The following REDIC1 variants were observed in gnomAD, a reference collection of about 807,000 sequenced individuals.
The protein encoded by REDIC1 is regulator of DNA class I crossover intermediates 1.
At chr12:39,792,739 T>C in the REDIC1 span, among the ~76,000 whole-genome samples, 2 of 152,102 alleles carry the variant, frequency 1.3e-5, no homozygotes, top group African/African-American at 4.8e-5. Flanking sequence ...AGTACTGTAT[T>C]TTTTTATTCC....
At chr12:39,748,388 C>A in the REDIC1 span, among the ~76,000 whole-genome samples, 1 of 152,152 alleles carries the variant, frequency 6.6e-6, no homozygotes, top group Non-Finnish European at 1.5e-5. Context: ...AATATATATG[C>A]ACCCAATACA....
the REDIC1 span, among the ~76,000 whole-genome samples, chr12:39,812,336 T>TC: frequency 7.2e-6 from 1 of 138,800 alleles, no homozygotes; most frequent in African/African-American, 2.6e-5. Context: ...GACTAATTTC[T>TC]TTTTTCTTTT....
At chr12:39,650,225 A>T in the REDIC1 span, 95 of 1,433,050 alleles carry the variant, frequency 6.6e-5, no homozygotes, top group South Asian at 2.2e-4. The surrounding 1 kb of genome is among the most constrained non-coding windows in gnomAD (Gnocchi z 4.3). Flanking sequence ...GTTTCTTCAA[A>T]TTTTTTTTTT....
At chr12:39,631,533 A>G in the REDIC1 span, among the ~76,000 whole-genome samples, 1 of 152,144 alleles carries the variant, frequency 6.6e-6, no homozygotes, top group Admixed American at 6.5e-5. Flanking sequence ...TTAGATAAAT[A>G]TTTAAAAGAA....
the REDIC1 span, among the ~76,000 whole-genome samples, chr12:39,810,459 C>A: frequency 6.6e-6 from 1 of 152,072 alleles, no homozygotes; most frequent in African/African-American, 2.4e-5. Flanking sequence ...ATATTCCTTT[C>A]CAAACTGTAT....
the REDIC1 span, among the ~76,000 whole-genome samples, chr12:39,694,554 G>C: frequency 6.6e-6 from 1 of 152,164 alleles, no homozygotes; most frequent in Non-Finnish European, 1.5e-5. Context: ...ATTTAAACCA[G>C]CCCTAACCAG....
At chr12:39,796,709 A>G in the REDIC1 span, among the ~76,000 whole-genome samples, 1 of 152,152 alleles carries the variant, frequency 6.6e-6, no homozygotes, top group African/African-American at 2.4e-5. Flanking sequence ...ATTGAAATCA[A>G]CTTTGTTTAG....
the REDIC1 span, among the ~76,000 whole-genome samples, chr12:39,801,040 G>A: frequency 3.9e-5 from 1 of 25,528 alleles, no homozygotes. Flanking sequence ...GGTGGGAATT[G>A]AACAATGAGA....
the REDIC1 span, among the ~76,000 whole-genome samples, chr12:39,677,027 G>GAA: frequency 7.8e-5 from 11 of 141,604 alleles, no homozygotes; most frequent in African/African-American, 2.1e-4. Flanking sequence ...ATAACACAAT[G>GAA]AAAAAAAAAA....
chr12:39,870,954 A>G, the REDIC1 span, among the ~76,000 whole-genome samples: 1 of 152,250 alleles, frequency 6.6e-6, no homozygotes, highest in Non-Finnish European at 1.5e-5. Context: ...TGGTTAAAAT[A>G]GAATTTAGTT....
At chr12:39,854,668 T>C in the REDIC1 span, among the ~76,000 whole-genome samples, 2 of 152,204 alleles carry the variant, frequency 1.3e-5, no homozygotes, top group Non-Finnish European at 2.9e-5. Context: ...GCTTTGATCA[T>C]GGTACCCTCC....
chr12:39,788,859 C>T, the REDIC1 span, among the ~76,000 whole-genome samples: 3 of 152,152 alleles, frequency 2.0e-5, no homozygotes, highest in Non-Finnish European at 2.9e-5. Context: ...TTCAACTACT[C>T]ATCTACATGT....
At chr12:39,900,133 T>G in the REDIC1 span, among the ~76,000 whole-genome samples, 1 of 143,686 alleles carries the variant, frequency 7.0e-6, no homozygotes. Flanking sequence ...TTTGACCAAA[T>G]TCAACAACCC....
At chr12:39,747,131 C>A in the REDIC1 span, among the ~76,000 whole-genome samples, 1 of 152,142 alleles carries the variant, frequency 6.6e-6, no homozygotes, top group Admixed American at 6.6e-5. Flanking sequence ...CTTCTCTGAG[C>A]TAAAGGAGGA....
the REDIC1 span, chr12:39,755,793 A>G: frequency 1.3e-5 from 2 of 152,038 alleles, no homozygotes; most frequent in Admixed American, 6.6e-5. Flanking sequence ...CAGACTATAT[A>G]TTTTGTACAT....
chr12:39,680,024 A>G, the REDIC1 span, among the ~76,000 whole-genome samples: 1 of 152,238 alleles, frequency 6.6e-6, no homozygotes, highest in African/African-American at 2.4e-5. Context: ...ATGAAGCCAT[A>G]AAAATTCTAG....
chr12:39,634,394 G>T, the REDIC1 span, among the ~76,000 whole-genome samples: 1 of 152,080 alleles, frequency 6.6e-6, no homozygotes, highest in South Asian at 2.1e-4. Flanking sequence ...ATACTACAAG[G>T]CTACAGTAAC....
chr12:39,830,579 T>C, the REDIC1 span: 1 of 715,482 alleles, frequency 1.4e-6, no homozygotes, highest in Non-Finnish European at 1.7e-6. Context: ...CTCATTGTGA[T>C]CCAGCCCTGA....
chr12:39,712,029 C>CATGTATATATACCTACATGT, the REDIC1 span, among the ~76,000 whole-genome samples: 5 of 113,290 alleles, frequency 4.4e-5, no homozygotes, highest in South Asian at 1.4e-3. Flanking sequence ...TGTATATATA[C>CATGTATATATACCTACATGT]ATGTATATAT....
Sources: gnomAD v4.1 joint callset for allele counts (sites outside exome capture counted in the v4.1 genomes callset) on GRCh38, gnomAD v4.1.1 for gene constraint, Gnocchi (gnomAD v3.1) non-coding constraint, MANE v1.5 for transcripts, NCBI Gene and HGNC (gene_info 2026-07-23, HGNC 2026-07-21) for gene names.